HS6ST3: variants seen among roughly 807,000 people sequenced by gnomAD.
HS6ST3 encodes heparan sulfate 6-O-sulfotransferase 3, also known as heparan-sulfate 6-O-sulfotransferase 3.
Under a neutral mutation model 36.7 loss-of-function variants are expected in HS6ST3, and 12 were observed. That is an observed-to-expected ratio of 0.33 (90% CI 0.21 to 0.53). The LOEUF (loss-of-function observed/expected upper bound fraction) is 0.53. Among genes scored for constraint, HS6ST3 ranks in the 20% least tolerant of loss-of-function variants. The pLI is 0.95. For synonymous variants in HS6ST3, 240 were observed against 257.5 expected, an observed-to-expected ratio of 0.93 and a Z score of 0.65; for missense variants, 584 against 640.9, an observed-to-expected ratio of 0.91 and a Z score of 0.96.
At chr13:96,499,691 A>G (rs1193460382) in intron 1 of HS6ST3, among the ~76,000 whole-genome samples, 2 of 152,002 alleles carry the variant, frequency 1.3e-5, no homozygotes, top group Non-Finnish European at 2.9e-5. Context: ...CCTGGATAAG[A>G]CCCTGTGGCA....
chr13:96,529,737 G>T (rs932884850), intron 1 of HS6ST3, among the ~76,000 whole-genome samples: 2 of 151,676 alleles, frequency 1.3e-5, no homozygotes, highest in African/African-American at 4.8e-5. Flanking sequence ...TAAATATTAG[G>T]GCTAAATCAC....
At chr13:96,254,414 AG>A in intron 1 of HS6ST3, among the ~76,000 whole-genome samples, 2 of 28,262 alleles carry the variant, frequency 7.1e-5, no homozygotes, top group Non-Finnish European at 1.2e-4. Flanking sequence ...ACTCTGTCTC[AG>A]AAAAAAAAAA....
chr13:96,328,564 G>T (rs2055045929), intron 1 of HS6ST3, among the ~76,000 whole-genome samples: 1 of 151,818 alleles, frequency 6.6e-6, no homozygotes, highest in African/African-American at 2.4e-5. Flanking sequence ...TTTTTGATGT[G>T]CTGCTGGATT....
intron 1 of HS6ST3, among the ~76,000 whole-genome samples, chr13:96,585,656 G>A (rs983976285): frequency 6.6e-6 from 1 of 152,074 alleles, no homozygotes; most frequent in Admixed American, 6.6e-5. Context: ...CTGCTCTCTA[G>A]TTCTGTGAGA....
chr13:96,645,519 A>G (rs1048607218), intron 1 of HS6ST3, among the ~76,000 whole-genome samples: 1 of 151,168 alleles, frequency 6.6e-6, no homozygotes, highest in Non-Finnish European at 1.5e-5. Context: ...GTGAAATATA[A>G]TATTGATTTG....
chr13:96,242,805 C>A (rs2054567233), intron 1 of HS6ST3, among the ~76,000 whole-genome samples: 1 of 152,030 alleles, frequency 6.6e-6, no homozygotes, highest in Non-Finnish European at 1.5e-5. Flanking sequence ...CCATAGAATC[C>A]AACAGTCTCA....
At chr13:96,433,086 A>T (rs1252982315) in intron 1 of HS6ST3, among the ~76,000 whole-genome samples, 2 of 152,198 alleles carry the variant, frequency 1.3e-5, no homozygotes, top group Non-Finnish European at 2.9e-5. Flanking sequence ...CTTTTAAAAA[A>T]TTGTTTTTCT....
chr13:96,479,126 C>T (rs2055877785), intron 1 of HS6ST3, among the ~76,000 whole-genome samples: 1 of 152,130 alleles, frequency 6.6e-6, no homozygotes, highest in Non-Finnish European at 1.5e-5. Flanking sequence ...TATATCCTGA[C>T]CTTTAGCAGG....
chr13:96,757,936 G>A (rs1193312820), intron 1 of HS6ST3, among the ~76,000 whole-genome samples: 1 of 151,972 alleles, frequency 6.6e-6, no homozygotes, highest in Non-Finnish European at 1.5e-5. Flanking sequence ...TGAAATGTCT[G>A]TAAGATTTTG....
At chr13:96,693,417 G>C (rs1273117601) in intron 1 of HS6ST3, among the ~76,000 whole-genome samples, 5 of 152,192 alleles carry the variant, frequency 3.3e-5, no homozygotes, top group Admixed American at 3.3e-4. Flanking sequence ...GAATTCTCTT[G>C]CCTCAGCCTC....
intron 1 of HS6ST3, among the ~76,000 whole-genome samples, chr13:96,492,661 G>A (rs2055952437): frequency 6.6e-6 from 1 of 151,926 alleles, no homozygotes; most frequent in South Asian, 2.1e-4. Flanking sequence ...CATATTTGAG[G>A]GTATCTATCT....
chr13:96,469,474 A>G (rs1228112450), intron 1 of HS6ST3, among the ~76,000 whole-genome samples: 1 of 152,106 alleles, frequency 6.6e-6, no homozygotes, highest in Non-Finnish European at 1.5e-5. Flanking sequence ...TTTCAGCCTG[A>G]GGTTTAATTC....
chr13:96,124,071 C>A (rs1309373838), intron 1 of HS6ST3, among the ~76,000 whole-genome samples: 1 of 152,176 alleles, frequency 6.6e-6, no homozygotes, highest in African/African-American at 2.4e-5. Context: ...TGTTGAAGAT[C>A]ATGCATTTTA....
At chr13:96,645,071 T>A (rs978098129) in intron 1 of HS6ST3, among the ~76,000 whole-genome samples, 21 of 152,058 alleles carry the variant, frequency 1.4e-4, no homozygotes, top group South Asian at 6.2e-4. Context: ...GATTTTTTTT[T>A]AAATAAATGT....
At position 96,495,270 on chromosome 13, in the gene HS6ST3, T is replaced by G. The variant is rs151033019; in HGVS notation, c.708-337220T>G. Among the ~76,000 whole-genome samples the G allele has an allele frequency of 1.2e-3, 186 of 152,354 alleles. 1 individual carries two copies. The highest frequency in any genetic ancestry group is 4.2e-3 in the African/African-American group (175 of 41,594). The stretch of plus-strand genomic sequence containing the variant: ...CGATACTGGCATAGAGGATGCCATA[T>G]CATGAGGATTTTTATTTCTAGGGTC... On this transcript the variant is annotated intron_variant, in intron 1 of 1. Transcript: ENST00000376705.
chr13:96,161,148 A>G (rs949569850), intron 1 of HS6ST3, among the ~76,000 whole-genome samples: 1 of 152,222 alleles, frequency 6.6e-6, no homozygotes, highest in Non-Finnish European at 1.5e-5. Context: ...GTTCTGCTTG[A>G]AATATGGCAA....
chr13:96,535,163 CA>C (rs1398059204), intron 1 of HS6ST3, among the ~76,000 whole-genome samples: 1 of 151,906 alleles, frequency 6.6e-6, no homozygotes, highest in Admixed American at 6.6e-5. Flanking sequence ...AACATGAATC[CA>C]GGAATGGGAC....
At chr13:96,504,073 A>G (rs1048123054) in intron 1 of HS6ST3, among the ~76,000 whole-genome samples, 1 of 152,170 alleles carries the variant, frequency 6.6e-6, no homozygotes, top group Non-Finnish European at 1.5e-5. Context: ...AAGAGGCCCT[A>G]TCTCCAAATA....
intron 1 of HS6ST3, among the ~76,000 whole-genome samples, chr13:96,662,265 C>T (rs911543267): frequency 1.3e-5 from 2 of 152,132 alleles, no homozygotes; most frequent in African/African-American, 2.4e-5. Context: ...TACATACTCT[C>T]AAATTTCTTG....
Sources: allele counts gnomAD v4.1 joint callset (sites outside exome capture counted in the v4.1 genomes callset), GRCh38; gene constraint gnomAD v4.1.1; transcripts MANE v1.5; gene names NCBI Gene and HGNC (gene_info 2026-07-23, HGNC 2026-07-21).